The following PTPRF variants were observed in gnomAD, a reference collection of about 807,000 sequenced individuals.
PTPRF encodes the protein receptor-type tyrosine-protein phosphatase F.
Under a neutral mutation model 201.8 loss-of-function variants are expected in PTPRF, and 59 were observed. The observed-to-expected ratio is 0.29, with a 90% CI of 0.24 to 0.36. The LOEUF is 0.36. PTPRF is among the 10% of genes least tolerant of loss of function. PTPRF has a pLI of 1.00. For synonymous variants in PTPRF, 1,088 were observed against 1,089.7 expected (o/e 1.00, Z 0.03); for missense variants, 2,132 against 2,690.5 (o/e 0.79, Z 4.59).
intron 5 of PTPRF, among the ~76,000 whole-genome samples, chr1:43,555,301 T>C (rs943581085): frequency 1.4e-5 from 2 of 137,978 alleles, no homozygotes; most frequent in Non-Finnish European, 3.0e-5. Context: ...GCCCATTTTC[T>C]GTGCATACAT....
chr1:43,603,109 C>G lies in PTPRF; in HGVS notation c.2341-307C>G, dbSNP rs942805025. On this transcript the variant is annotated intron_variant, in intron 14 of 33. Coordinates refer to ENST00000359947, the MANE Select transcript of PTPRF (RefSeq NM_002840.5). The surrounding 1 kb of genome is among the most constrained non-coding windows in gnomAD (Gnocchi z 5.8). ...GTGCGAGGCTGTGCCCTGTTGATAT[C>G]CTCAGTCTCCGTTCACAGCACAGTG... Among the ~76,000 whole-genome samples the G allele has an allele frequency of 2.0e-5, 3 of 152,170 alleles. No individual in the cohort carries two copies. Among genetic ancestry groups the G allele is most frequent in the African/African-American group, 7.2e-5 (3 of 41,426 alleles).
intron 1 of PTPRF, among the ~76,000 whole-genome samples, chr1:43,533,744 T>C (rs1007997165): frequency 9.2e-5 from 14 of 152,160 alleles, no homozygotes; most frequent in African/African-American, 3.4e-4. Flanking sequence ...TGTGCTTGGT[T>C]CCAGCTTGCA....
chr1:43,606,981 C>T lies in PTPRF; in HGVS notation c.3857+13C>T, dbSNP rs1186857401. 6.2e-7 allele frequency: 1 copy of T among 1,612,362 alleles called. No individual in the cohort carries two copies. Among genetic ancestry groups the T allele is most frequent in the South Asian group, 1.1e-5 (1 of 91,042 alleles). ...TCTTGTTCAAAAGGTGAGCACTGCC[C>T]TCAGAGCTCCGGGAACGGCCACCTG... On this transcript the variant is annotated intron_variant, in intron 21 of 33. Transcript: ENST00000359947.
chr1:43,534,946 A>C (rs1643910855), intron 1 of PTPRF, among the ~76,000 whole-genome samples: 1 of 152,218 alleles, frequency 6.6e-6, no homozygotes, highest in African/African-American at 2.4e-5. Flanking sequence ...GGTTGTTATG[A>C]GGATTAAAGA....
At chr1:43,531,493 G>C (rs996622388) in intron 1 of PTPRF, among the ~76,000 whole-genome samples, 10 of 145,650 alleles carry the variant, frequency 6.9e-5, no homozygotes, top group East Asian at 2.1e-4. Flanking sequence ...CGCGCTCCGG[G>C]GGCGGCCCTC....
upstream of PTPRF, among the ~76,000 whole-genome samples, chr1:43,522,511 A>G (rs748297536): frequency 7.9e-5 from 12 of 152,166 alleles, no homozygotes; most frequent in East Asian, 1.9e-4. Flanking sequence ...ACATATAGCT[A>G]TTGAGTGAAT....
At chr1:43,525,155 A>C, upstream of PTPRF, 1 of 152,264 alleles carries the variant, frequency 6.6e-6, no homozygotes, top group East Asian at 1.9e-4. Flanking sequence ...CCAGGAGAAA[A>C]GTGAAAAGGA....
At position 43,542,222 on chromosome 1, in the gene PTPRF, C is replaced by G. The variant is rs1254423387; in HGVS notation, c.-45-2809C>G. Among the ~76,000 whole-genome samples the G allele has an allele frequency of 6.6e-6, 1 of 152,166 alleles. No homozygotes were observed. The highest frequency in any genetic ancestry group is 1.5e-5 in the Non-Finnish European group (1 of 68,038). On this transcript the variant is annotated intron_variant, in intron 2 of 33. Transcript: ENST00000359947. The surrounding 1 kb of genome is among the most constrained non-coding windows in gnomAD (Gnocchi z 5.2). ...GAACCGCCTGACACCAGGGCAGGCT[C>G]TGTGCCCGGAGTCTCAGGGCGGGAG...
rs77543816 is a variant in PTPRF at position 43,573,977 on chromosome 1, CTTTTTTTTTTTTTTTTTTT to C, written c.568+4217_568+4235del. Among the ~76,000 whole-genome samples, 8 of 63,920 alleles carry C rather than the reference CTTTTTTTTTTTTTTTTTTT, an allele frequency of 1.3e-4. No individual in the cohort carries two copies. The East Asian group carries it at 2.0e-3, about 16-fold the overall frequency. 41.9% of individuals were successfully genotyped at this position (63,920 alleles called of 152,430 possible). The stretch of plus-strand genomic sequence containing the variant: ...CAAAGAGGGTTTGCTTGTGTGGGTT[CTTTTTTTTTTTTTTTTTTT>C]TTTTTTTTTTTTTTTTTGAGACAGA... On this transcript the variant is annotated intron_variant, in intron 6 of 33. Transcript: ENST00000359947.
At chr1:43,564,756 G>A (rs890352951) in intron 5 of PTPRF, among the ~76,000 whole-genome samples, 7 of 152,260 alleles carry the variant, frequency 4.6e-5, no homozygotes, top group African/African-American at 7.2e-5. Flanking sequence ...GCGTGCCTGC[G>A]TTTGCACGGA....
chr1:43,548,448 C>T (rs1009865137), intron 3 of PTPRF, among the ~76,000 whole-genome samples: 2 of 152,082 alleles, frequency 1.3e-5, no homozygotes, highest in African/African-American at 4.8e-5. Flanking sequence ...TGTCTGTCGT[C>T]ATGCTCTCCC....
chr1:43,522,122 G>A (rs544150270), upstream of PTPRF, among the ~76,000 whole-genome samples: 9 of 152,162 alleles, frequency 5.9e-5, no homozygotes, highest in Non-Finnish European at 1.3e-4. Flanking sequence ...TTCTCTGTTC[G>A]GCTTCCCCTT....
At chr1:43,586,389 G>A (rs1438251627) in intron 7 of PTPRF, among the ~76,000 whole-genome samples, 2 of 152,266 alleles carry the variant, frequency 1.3e-5, no homozygotes, top group East Asian at 1.9e-4. Context: ...GGGAGGGCAT[G>A]CACCGCTGGG....
chr1:43,533,363 A>G (rs546652342), intron 1 of PTPRF, among the ~76,000 whole-genome samples: 1 of 152,164 alleles, frequency 6.6e-6, no homozygotes, highest in South Asian at 2.1e-4. Context: ...AACTAGCTAC[A>G]CATCTTTTAC....
rs141556963 is a variant in PTPRF, at chr1:43,604,019, G to T, written c.2867G>T (p.Arg956Leu). 3.1e-6 allele frequency: 5 copies of T among 1,614,096 alleles called. No homozygotes were observed. The highest frequency in any genetic ancestry group is 4.2e-6 in the Non-Finnish European group (5 of 1,180,064). ...ATCATCAGCTACACCGTGGTGTTCC[G>T]AGACATCAACAGCCAACAGGAGCTG... ...GRIISYTVVF[R>L]DINSQQELQN... Residue 956 changes from arginine (R) to leucine (L), a missense_variant, in exon 16 of 34, where the codon CGA (arginine) becomes CTA (leucine). Physicochemically the swap from Arg to Leu is moderately radical, Grantham distance 102. Coordinates refer to ENST00000359947, the MANE Select transcript of PTPRF (RefSeq NM_002840.5).
In PTPRF at chr1:43,617,425, G is replaced by A. The variant is rs895254789; in HGVS notation, c.4072-20G>A. On this transcript the variant is annotated intron_variant, in intron 23 of 33. Transcript: ENST00000359947. ...CCTTGGCTCTTACCCCACCCCACCC[G>A]CTTTCTCCATTCTCTGCAGTCCATC... 7.4e-6 allele frequency: 12 copies of A among 1,613,762 alleles called. No homozygotes were observed. The African/African-American group carries it at 8.0e-5, about 11-fold the overall frequency.
chr1:43,609,366 C>A lies in PTPRF; in HGVS notation c.3858-17C>A. On this transcript the variant is annotated splice_polypyrimidine_tract_variant and intron_variant, in intron 21 of 33. Coordinates refer to ENST00000359947, the MANE Select transcript of PTPRF (RefSeq NM_002840.5). The stretch of plus-strand genomic sequence containing the variant: ...CTGGACCTCAGGTTCTCACCAGCCT[C>A]CCTTCTGTCTCTCTAGGAAAAGGAC... 6.2e-7 allele frequency: 1 copy of A among 1,608,392 alleles called. No homozygotes were observed. Among genetic ancestry groups the A allele is most frequent in the Non-Finnish European group, 8.5e-7 (1 of 1,175,184 alleles).
chr1:43,613,171 C>G (rs1241766601), intron 22 of PTPRF: 1 of 316,720 alleles, frequency 3.2e-6, no homozygotes, highest in Non-Finnish European at 6.2e-6. Context: ...ACCACTCCAT[C>G]TACACACTTG....
Position 43,588,585 on chromosome 1 carries a change from G to T in PTPRF, c.680-146G>T, listed in dbSNP as rs930385779. 3 of 1,057,134 alleles carry T rather than the reference G, an allele frequency of 2.8e-6. No individual in the cohort carries two copies. The African/African-American group carries it at 4.8e-5, about 17-fold the overall frequency. The allele number at this position is 1,057,134 out of a possible 1,614,324, so 65.5% of individuals were successfully genotyped here. The stretch of plus-strand genomic sequence containing the variant: ...TGGGTGGGGTGGGAGTGGATGATGA[G>T]CTGGGGTCTGGCGGTGCCACCCCTC... On this transcript the variant is annotated intron_variant, in intron 7 of 33. Transcript: ENST00000359947. The surrounding 1 kb of genome is among the most constrained non-coding windows in gnomAD (Gnocchi z 5.3).
Sources: allele counts gnomAD v4.1 joint callset (sites outside exome capture counted in the v4.1 genomes callset), GRCh38; gene constraint gnomAD v4.1.1; non-coding constraint Gnocchi (gnomAD v3.1); transcripts MANE v1.5; gene names NCBI Gene and HGNC (gene_info 2026-07-23, HGNC 2026-07-21).